The following HERC6 variants were observed in gnomAD, a reference collection of about 807,000 sequenced individuals.
HERC6 encodes probable E3 ubiquitin-protein ligase HERC6.
A neutral mutation model predicts 114.5 loss-of-function variants in HERC6; 101 were observed. That is an observed-to-expected ratio of 0.88 (90% confidence interval 0.75 to 1.04). HERC6 has a LOEUF of 1.04. Among genes scored for constraint, HERC6 ranks in the 50% least tolerant of loss-of-function variants. The pLI, the probability that HERC6 is intolerant of heterozygous loss-of-function variation, is 0.00. For missense variants in HERC6, 1,133 were observed against 1,230.9 expected (o/e 0.92, Z 1.19); for synonymous variants, 408 against 436.2 (o/e 0.94, Z 0.81).
intron 1 of HERC6, among the ~76,000 whole-genome samples, chr4:88,379,490 G>T (rs149971145): frequency 0.016 from 2,439 of 151,236 alleles, 65 homozygotes; most frequent in African/African-American, 0.056. Flanking sequence ...AAAGAGATGT[G>T]GTCCCTCCGG....
chr4:88,439,974 G>A lies in HERC6; in HGVS notation c.2656G>A (p.Glu886Lys). The change falls in exon 21 of 23, where the codon GAG becomes AAG. Residue 886 changes from glutamate (E) to lysine (K), a missense_variant. By Grantham distance (56) the Glu-to-Lys change is moderately conservative. This residue lies in a region of HERC6 where 388 missense variants were observed against 445.9 expected (regional missense o/e 0.87). Coordinates refer to ENST00000264346, the MANE Select transcript of HERC6 (RefSeq NM_017912.4). Reference sequence around the variant, plus strand: ...AGGATTTTATAGAGTCTGTGAGAAGGAGATACTTAGACATTTCTACCCTGA... The same window carrying A: ...AGGATTTTATAGAGTCTGTGAGAAGAAGATACTTAGACATTTCTACCCTGA... ...QRGFYRVCEK[E>K]ILRHFYPEEL... 3 of 1,612,144 alleles carry A rather than the reference G, an allele frequency of 1.9e-6. No individual in the cohort carries two copies. The highest frequency in any genetic ancestry group is 2.5e-6 in the Non-Finnish European group (3 of 1,179,358).
chr4:88,393,046 T>C (rs935782338), intron 4 of HERC6, among the ~76,000 whole-genome samples: 1 of 152,186 alleles, frequency 6.6e-6, no homozygotes, highest in Non-Finnish European at 1.5e-5. Context: ...CTCTCTGTTG[T>C]TATTTTAGGT....
chr4:88,400,081 G>C (rs957469319), intron 8 of HERC6, among the ~76,000 whole-genome samples: 4 of 152,186 alleles, frequency 2.6e-5, no homozygotes, highest in Non-Finnish European at 4.4e-5. Context: ...CTGTATGCTG[G>C]GGTCAGCTAT....
intron 7 of HERC6, 57 bp from the exon 8 acceptor site, chr4:88,398,085 A>G (rs1430098745): frequency 2.4e-5 from 29 of 1,206,830 alleles, no homozygotes; most frequent in Non-Finnish European, 3.2e-5. Context: ...TTGATAATAC[A>G]TCAGATTTAT....
intron 3 of HERC6, among the ~76,000 whole-genome samples, chr4:88,386,590 A>C (rs950879418): frequency 1.3e-5 from 2 of 152,174 alleles, no homozygotes; most frequent in Non-Finnish European, 2.9e-5. Flanking sequence ...AGGAACTTAC[A>C]TACTGTTTTA....
chr4:88,383,996 T>TAGA (rs548795740), intron 2 of HERC6, among the ~76,000 whole-genome samples: 111 of 152,142 alleles, frequency 7.3e-4, no homozygotes, highest in African/African-American at 2.6e-3. Context: ...CACTGTAAAG[T>TAGA]AGAAACATTT....
At chr4:88,437,017 T>G (rs772843714) in intron 19 of HERC6, 46 bp downstream of exon 19, 1 of 1,373,040 alleles carries the variant, frequency 7.3e-7, no homozygotes, top group South Asian at 1.4e-5. Context: ...TTAATCTGTT[T>G]CTAAAAAATA....
At chr4:88,386,164 A>G (rs1390579148) in intron 3 of HERC6, among the ~76,000 whole-genome samples, 1 of 151,734 alleles carries the variant, frequency 6.6e-6, no homozygotes, top group Non-Finnish European at 1.5e-5. Flanking sequence ...GACAGATTAA[A>G]AGAGAAAAGG....
intron 16 of HERC6, among the ~76,000 whole-genome samples, chr4:88,430,370 T>C (rs1738062547): frequency 6.6e-6 from 1 of 151,676 alleles, no homozygotes; most frequent in South Asian, 2.1e-4. Context: ...GGTGGGCGGA[T>C]TACCAGCTGA....
At chr4:88,415,368 C>T (rs1553915869) in intron 12 of HERC6, among the ~76,000 whole-genome samples, 1 of 152,118 alleles carries the variant, frequency 6.6e-6, no homozygotes, top group South Asian at 2.1e-4. Context: ...TTCCAGAAAG[C>T]AAAATCACTG....
chr4:88,442,398 G>A lies in HERC6; in HGVS notation c.3007G>A (p.Ala1003Thr). ...KYSTMERMEEALQVAINNNRG... is the reference protein window; with the variant it reads ...KYSTMERMEETLQVAINNNRG... ...TTCTACAATGGAAAGAATGGAGGAA[G>A]CACTTCAAGTAGCCATCAACAACAA... The change falls in exon 23 of 23, where the codon GCA becomes ACA. Residue 1003 changes from alanine to threonine, a missense_variant. By Grantham distance (58) the Ala-to-Thr change is moderately conservative. Transcript: ENST00000264346. 6.2e-7 allele frequency: 1 copy of A among 1,614,022 alleles called. No homozygotes were observed. Among genetic ancestry groups the A allele is most frequent in the Non-Finnish European group, 8.5e-7 (1 of 1,179,980 alleles).
In HERC6 at chr4:88,378,884, G is replaced by C. The variant is rs1733992850; in HGVS notation, c.-38G>C. On this transcript the variant is annotated 5_prime_UTR_variant, in exon 1 of 23. Coordinates refer to ENST00000264346, the MANE Select transcript of HERC6 (RefSeq NM_017912.4). ...TTCGGGAGCCTGTCGCAGCGGGACCGACGGAATCCGGAGCAGGCGACAGGG... is the reference window on the plus strand; with the variant it reads ...TTCGGGAGCCTGTCGCAGCGGGACCCACGGAATCCGGAGCAGGCGACAGGG... 7.9e-6 allele frequency: 12 copies of C among 1,528,580 alleles called. No individual in the cohort carries two copies. The South Asian group carries it at 1.2e-4, about 16-fold the overall frequency. The allele number at this position is 1,528,580 out of a possible 1,614,324, so 94.7% of individuals were successfully genotyped here.
chr4:88,426,007 CCT>C (rs1737565266), intron 15 of HERC6, among the ~76,000 whole-genome samples: 1 of 152,082 alleles, frequency 6.6e-6, no homozygotes, highest in Admixed American at 6.5e-5. Flanking sequence ...TTATTCATTC[CCT>C]TTTTATACCC....
At chr4:88,385,023 T>TG (rs1734504130) in intron 2 of HERC6, among the ~76,000 whole-genome samples, 1 of 126,956 alleles carries the variant, frequency 7.9e-6, no homozygotes. Context: ...ACTCCGTCTG[T>TG]GAAAAAAAAA....
At position 88,393,488 on chromosome 4, in the gene HERC6, T is replaced by G; in HGVS notation, c.665T>G (p.Val222Gly). ...QLALSGRNVP[V>G]QSNKPLSVGA... ...TAGAGATTCTGCTTTCTTTCAACAG[T>G]GCAAAGCAACAAGCCTCTCTCAGTC... The change falls in exon 5 of 23, where the codon GTG becomes GGG. Residue 222 changes from valine (V) to glycine (G), a missense_variant and splice_region_variant. Physicochemically the swap from Val to Gly is moderately radical, Grantham distance 109. Coordinates refer to ENST00000264346, the MANE Select transcript of HERC6 (RefSeq NM_017912.4). 1 of 1,604,370 alleles carries G rather than the reference T, an allele frequency of 6.2e-7. No homozygotes were observed. Among genetic ancestry groups the G allele is most frequent in the Non-Finnish European group, 8.5e-7 (1 of 1,172,968 alleles).
intron 4 of HERC6, among the ~76,000 whole-genome samples, chr4:88,392,961 A>C (rs1198096170): frequency 6.6e-6 from 1 of 152,196 alleles, no homozygotes; most frequent in Non-Finnish European, 1.5e-5. Flanking sequence ...AGATATGCCC[A>C]TGGCCTGCTA....
At chr4:88,422,888 T>C (rs757057740) in intron 13 of HERC6, among the ~76,000 whole-genome samples, 13 of 152,082 alleles carry the variant, frequency 8.5e-5, no homozygotes, top group African/African-American at 2.9e-4. Context: ...AAATTATGGG[T>C]TTAATTTATT....
intron 11 of HERC6, 147 bp downstream of exon 11, chr4:88,408,764 T>C (rs1197526927): frequency 1.6e-6 from 1 of 642,346 alleles, no homozygotes; most frequent in African/African-American, 1.8e-5. Context: ...CCACTGAGAC[T>C]ATGACATTGT....
At position 88,423,860 on chromosome 4, in the gene HERC6, G is replaced by GT; in HGVS notation, c.1715dup (p.Asn573LysfsTer4). 1 of 1,469,952 alleles carries GT rather than the reference G, an allele frequency of 6.8e-7. No homozygotes were observed. Among genetic ancestry groups the GT allele is most frequent in the Non-Finnish European group, 9.2e-7 (1 of 1,087,350 alleles). The allele number at this position is 1,469,952 out of a possible 1,614,324, so 91.1% of individuals were successfully genotyped here. A position where few individuals can be genotyped will look rare whatever the true frequency, so the allele number is the denominator to read the frequency against. On this transcript the variant is annotated frameshift_variant and splice_region_variant, in exon 14 of 23. Transcript: ENST00000264346. LOFTEE classifies it high-confidence loss of function. ...ATTCACAGGTCATATTCTCTTTAAG[G>GT]TAAACAAAGCTAACTGTCGACTACC...
Sources: gnomAD v4.1 joint callset for allele counts (sites outside exome capture counted in the v4.1 genomes callset) on GRCh38, gnomAD v4.1.1 for gene constraint, gnomAD v4.1.1 regional missense constraint, MANE v1.5 for transcripts, NCBI Gene and HGNC (gene_info 2026-07-23, HGNC 2026-07-21) for gene names.